The following EXPH5 variants were observed in gnomAD, a reference collection of about 807,000 sequenced individuals.
The protein encoded by EXPH5 is exophilin 5.
Under a neutral mutation model 41.1 loss-of-function variants are expected in EXPH5, and 42 were observed. The observed-to-expected ratio is 1.02, with a 90% CI of 0.80 to 1.32. The LOEUF (loss-of-function observed/expected upper bound fraction) is 1.32, where lower values mean the gene tolerates loss of function less well. EXPH5 is among the 40% of genes most tolerant of loss of function. The probability of loss-of-function intolerance (pLI) is 0.00; values close to 1 mark genes in which losing one functional copy is unlikely to be tolerated. For synonymous variants in EXPH5, 798 were observed against 833.5 expected, an observed-to-expected ratio of 0.96 and a Z score of 0.73; for missense variants, 2,298 against 2,314.5, an observed-to-expected ratio of 0.99 and a Z score of 0.15.
chr11:108,555,219 C>T (rs2093984826), intron 1 of EXPH5, among the ~76,000 whole-genome samples: 1 of 152,214 alleles, frequency 6.6e-6, no homozygotes, highest in Non-Finnish European at 1.5e-5. Flanking sequence ...GTTTAGGCCA[C>T]ATAATTGCAA....
intron 1 of EXPH5, among the ~76,000 whole-genome samples, chr11:108,547,948 A>G (rs1028480934): frequency 1.3e-5 from 2 of 152,018 alleles, no homozygotes; most frequent in African/African-American, 2.4e-5. Flanking sequence ...CATCTCTACT[A>G]AAAATACAAA....
At chr11:108,528,529 A>G (rs1209929151) in intron 3 of EXPH5, among the ~76,000 whole-genome samples, 2 of 152,102 alleles carry the variant, frequency 1.3e-5, no homozygotes, top group Admixed American at 6.6e-5. Flanking sequence ...GTGTTAATTC[A>G]TTTAGATACA....
intron 1 of EXPH5, among the ~76,000 whole-genome samples, chr11:108,572,037 G>A (rs562635627): frequency 7.3e-6 from 1 of 137,772 alleles, no homozygotes; most frequent in African/African-American, 2.6e-5. Context: ...GTGACAGAGC[G>A]AGACTCTGTC....
intron 1 of EXPH5, among the ~76,000 whole-genome samples, chr11:108,564,668 T>A (rs989286094): frequency 1.3e-5 from 2 of 152,226 alleles, no homozygotes; most frequent in Non-Finnish European, 2.9e-5. Context: ...AGGATGAACA[T>A]GTTTTAATGA....
At chr11:108,520,663 C>T (rs2093759359) in intron 4 of EXPH5, among the ~76,000 whole-genome samples, 1 of 152,072 alleles carries the variant, frequency 6.6e-6, no homozygotes, top group Admixed American at 6.5e-5. Flanking sequence ...ACCTCCCTGG[C>T]TCAAGCAATT....
intron 1 of EXPH5, among the ~76,000 whole-genome samples, chr11:108,573,760 TTACTC>T (rs1245044993): frequency 3.9e-5 from 6 of 152,180 alleles, no homozygotes; most frequent in Admixed American, 2.0e-4. Flanking sequence ...GAAGTGAATA[TTACTC>T]TAATCTCTAG....
intron 1 of EXPH5, among the ~76,000 whole-genome samples, chr11:108,560,793 T>C (rs527718183): frequency 6.6e-6 from 1 of 152,318 alleles, no homozygotes; most frequent in African/African-American, 2.4e-5. Flanking sequence ...ATGTAACTTA[T>C]TTATGGAAGT....
intron 1 of EXPH5, among the ~76,000 whole-genome samples, chr11:108,585,524 C>T (rs2094110608): frequency 6.6e-6 from 1 of 152,186 alleles, no homozygotes; most frequent in Non-Finnish European, 1.5e-5. Flanking sequence ...ACAGACTCTA[C>T]CAGTGCCTTG....
chr11:108,573,161 A>AAAG (rs1472244118), intron 1 of EXPH5, among the ~76,000 whole-genome samples: 1 of 144,148 alleles, frequency 6.9e-6, no homozygotes, highest in Non-Finnish European at 1.5e-5. Context: ...AGAAAGAAAG[A>AAAG]AAGAAAGAAA....
At chr11:108,570,602 G>A (rs2136098980) in intron 1 of EXPH5, among the ~76,000 whole-genome samples, 1 of 152,320 alleles carries the variant, frequency 6.6e-6, no homozygotes, top group Admixed American at 6.5e-5. Flanking sequence ...CTGCAGTGCA[G>A]TGGCGTGGTC....
chr11:108,554,701 CA>C (rs2136065615), intron 1 of EXPH5, among the ~76,000 whole-genome samples: 1 of 152,268 alleles, frequency 6.6e-6, no homozygotes, highest in African/African-American at 2.4e-5. Flanking sequence ...GTAGGTGAAT[CA>C]CTTGATGTCA....
upstream of EXPH5, among the ~76,000 whole-genome samples, chr11:108,597,078 C>T (rs58926029): frequency 0.015 from 2,298 of 152,276 alleles, 50 homozygotes; most frequent in African/African-American, 0.051. Context: ...TAGTCCCCTA[C>T]CCTCTCTAGT....
intron 1 of EXPH5, among the ~76,000 whole-genome samples, chr11:108,546,331 T>C (rs2093938127): frequency 6.6e-6 from 1 of 152,092 alleles, no homozygotes; most frequent in South Asian, 2.1e-4. Flanking sequence ...GGAGAGTAGA[T>C]TCCAGTGCGG....
chr11:108,516,632 GT>G (rs1408310772), intron 5 of EXPH5, among the ~76,000 whole-genome samples: 3 of 152,178 alleles, frequency 2.0e-5, no homozygotes, highest in African/African-American at 7.2e-5. Flanking sequence ...TGCCAATTAA[GT>G]TAGGGCAGAT....
In EXPH5 at chr11:108,513,801, T is replaced by C; in HGVS notation, c.1706A>G (p.Asn569Ser). The C allele has an allele frequency of 3.1e-6, 5 of 1,601,136 alleles. No homozygotes were observed. Among genetic ancestry groups the C allele is most frequent in the Non-Finnish European group, 4.3e-6 (5 of 1,174,928 alleles). The change falls in exon 6 of 6, where the codon AAT becomes AGT. Residue 569 changes from asparagine (N) to serine (S), a missense_variant. Coordinates refer to ENST00000265843, the MANE Select transcript of EXPH5 (RefSeq NM_015065.3). ...AAAATGAGGAGTCAACTGGGTCTCA[T>C]TACCATGTGATACCACCATGCTATC... The part of the protein sequence containing the change: ...TLDSMVVSHG[N>S]ETQLTPHFGT...
chr11:108,558,964 T>C (rs2094000801), intron 1 of EXPH5, among the ~76,000 whole-genome samples: 1 of 152,212 alleles, frequency 6.6e-6, no homozygotes, highest in Non-Finnish European at 1.5e-5. Flanking sequence ...CCAGAGGTTG[T>C]AAAGTGGTGA....
At position 108,513,338 on chromosome 11, in the gene EXPH5, T is replaced by C. The variant is rs1033480193; in HGVS notation, c.2169A>G (p.Ala723=). The change falls in exon 6 of 6, where the codon GCA becomes GCG. Residue 723 remains alanine, a synonymous_variant. Coordinates refer to ENST00000265843, the MANE Select transcript of EXPH5 (RefSeq NM_015065.3). ...QLSKMDQTNK[A]GEIPQPVSQT... is the part of the protein sequence containing the mutation. ...GTGAAACAGGTTGGGGTATTTCACC[T>C]GCCTTGTTTGTCTGGTCCATCTTGC... The C allele has an allele frequency of 1.9e-6, 3 of 1,613,920 alleles. No individual in the cohort carries two copies. Among genetic ancestry groups the C allele is most frequent in the African/African-American group, 2.7e-5 (2 of 74,928 alleles).
chr11:108,521,747 G>A (rs1055340385), intron 4 of EXPH5, among the ~76,000 whole-genome samples: 9 of 152,124 alleles, frequency 5.9e-5, no homozygotes, highest in Non-Finnish European at 1.0e-4. Flanking sequence ...GATCTTATAA[G>A]TCCTTTCTTC....
Position 108,509,931 on chromosome 11 carries a change from T to A in EXPH5, c.5576A>T (p.Asp1859Val). ...FRSFSELPSC[D>V]GNESWAYRSG... is the part of the protein sequence containing the mutation. ...GCGATAAGCCCAACTTTCATTTCCATCACAGGAGGGGAGTTCAGAAAAAGA... is the reference window on the plus strand; with the variant it reads ...GCGATAAGCCCAACTTTCATTTCCAACACAGGAGGGGAGTTCAGAAAAAGA... Residue 1859 changes from aspartate (D) to valine (V), a missense_variant, in exon 6 of 6, where the codon GAT (aspartate) becomes GTT (valine). Physicochemically the swap from Asp to Val is radical, Grantham distance 152. Transcript: ENST00000265843. 6.2e-7 allele frequency: 1 copy of A among 1,610,178 alleles called. No individual in the cohort carries two copies. Among genetic ancestry groups the A allele is most frequent in the Non-Finnish European group, 8.5e-7 (1 of 1,178,732 alleles).
Sources: gnomAD v4.1 joint callset for allele counts (sites outside exome capture counted in the v4.1 genomes callset) on GRCh38, gnomAD v4.1.1 for gene constraint, MANE v1.5 for transcripts, NCBI Gene and HGNC (gene_info 2026-07-23, HGNC 2026-07-21) for gene names.